ARPP21: variants seen among roughly 807,000 people sequenced by gnomAD.
ARPP21 encodes the protein cAMP regulated phosphoprotein 21.
In ARPP21, 69 loss-of-function variants were observed where a neutral mutation model predicts 113.2. The ratio of observed to expected loss-of-function variants is 0.61; its 90% confidence interval spans 0.50 to 0.74. The LOEUF (loss-of-function observed/expected upper bound fraction) is 0.74. Among genes scored for constraint, ARPP21 ranks in the 30% least tolerant of loss-of-function variants. The pLI is 0.00. For synonymous variants in ARPP21, 368 were observed against 375.5 expected (o/e 0.98, Z 0.23); for missense variants, 1,070 against 1,037.4 (o/e 1.03, Z -0.43).
chr3:35,682,807 T>C, intron 3 of ARPP21, 41 bp from the exon 4 acceptor site: 1 of 1,574,338 alleles, frequency 6.4e-7, no homozygotes, highest in Middle Eastern at 1.8e-4. Context: ...CGTTTTTGTT[T>C]GTTTTATTTT....
chr3:35,684,343 G>T, intron 5 of ARPP21: 3 of 1,046,820 alleles, frequency 2.9e-6, no homozygotes, highest in Non-Finnish European at 3.5e-6. Context: ...GTCCAGAAAT[G>T]AATCTGAGCT....
At chr3:35,722,107 T>G (rs1316058183) in intron 14 of ARPP21, among the ~76,000 whole-genome samples, 1 of 152,156 alleles carries the variant, frequency 6.6e-6, no homozygotes, top group Non-Finnish European at 1.5e-5. Context: ...AGACTTAGTG[T>G]TTATGTATTT....
intron 14 of ARPP21, 71 bp downstream of exon 14, chr3:35,721,905 T>A (rs1243676160): frequency 1.1e-6 from 1 of 923,500 alleles, no homozygotes; most frequent in Non-Finnish European, 1.6e-6. Flanking sequence ...TGGTCACCAT[T>A]CCCTCTGACT....
At chr3:35,746,673 T>C (rs1206022883) in intron 19 of ARPP21, among the ~76,000 whole-genome samples, 1 of 152,206 alleles carries the variant, frequency 6.6e-6, no homozygotes, top group Non-Finnish European at 1.5e-5. Flanking sequence ...TATCACGTGG[T>C]TAAAATTAGA....
At chr3:35,775,470 ATG>A (rs1446125617) in intron 19 of ARPP21, among the ~76,000 whole-genome samples, 1 of 152,096 alleles carries the variant, frequency 6.6e-6, no homozygotes, top group African/African-American at 2.4e-5. Context: ...GTATATACAT[ATG>A]TGTGTGTATA....
At chr3:35,664,683 G>A (rs1214232456) in intron 1 of ARPP21, among the ~76,000 whole-genome samples, 1 of 152,138 alleles carries the variant, frequency 6.6e-6, no homozygotes, top group East Asian at 1.9e-4. Context: ...GCAGGTGGCG[G>A]CGGGGGCTGT....
intron 19 of ARPP21, among the ~76,000 whole-genome samples, chr3:35,773,592 T>C (rs2096269650): frequency 6.6e-6 from 1 of 152,192 alleles, no homozygotes; most frequent in African/African-American, 2.4e-5. Context: ...AGCAGCTCTC[T>C]CACACCTAGG....
intron 19 of ARPP21, among the ~76,000 whole-genome samples, chr3:35,746,799 A>G (rs1421766398): frequency 6.6e-6 from 1 of 152,194 alleles, no homozygotes; most frequent in African/African-American, 2.4e-5. Flanking sequence ...CTTCTCCTAC[A>G]TTCTTGCCAG....
At chr3:35,705,280 A>T (rs1010971717) in intron 9 of ARPP21, among the ~76,000 whole-genome samples, 2 of 152,116 alleles carry the variant, frequency 1.3e-5, no homozygotes, top group African/African-American at 4.8e-5. Flanking sequence ...GTTTACAGGG[A>T]ACTGCAAGTC....
chr3:35,752,099 C>T (rs1392430629), intron 19 of ARPP21, among the ~76,000 whole-genome samples: 1 of 151,864 alleles, frequency 6.6e-6, no homozygotes, highest in African/African-American at 2.4e-5. Context: ...GGGAAGCTAA[C>T]GATGGATGCA....
At chr3:35,672,358 C>A (rs553724410) in intron 1 of ARPP21, among the ~76,000 whole-genome samples, 1 of 152,184 alleles carries the variant, frequency 6.6e-6, no homozygotes, top group African/African-American at 2.4e-5. Flanking sequence ...TTCATGAGAT[C>A]CAAACCTCCA....
At chr3:35,769,902 A>G (rs969694350) in intron 19 of ARPP21, among the ~76,000 whole-genome samples, 1 of 152,160 alleles carries the variant, frequency 6.6e-6, no homozygotes, top group African/African-American at 2.4e-5. Context: ...GAAAATGTAC[A>G]AACAATTTAT....
At chr3:35,710,858 A>T (rs1405225384) in intron 11 of ARPP21, among the ~76,000 whole-genome samples, 1 of 152,224 alleles carries the variant, frequency 6.6e-6, no homozygotes. Flanking sequence ...CTTTCTCTAT[A>T]CATTGCATTT....
At chr3:35,667,606 CA>C (rs1489945780) in intron 1 of ARPP21, among the ~76,000 whole-genome samples, 4 of 151,916 alleles carry the variant, frequency 2.6e-5, no homozygotes, top group African/African-American at 9.7e-5. Context: ...TTTGTAGCTT[CA>C]ATCACTTCTT....
chr3:35,763,638 T>C (rs2095856311), intron 19 of ARPP21, among the ~76,000 whole-genome samples: 1 of 152,100 alleles, frequency 6.6e-6, no homozygotes, highest in South Asian at 2.1e-4. Flanking sequence ...TATTGTAAAA[T>C]TGAATAGATA....
rs527287379 is a variant in ARPP21, at chr3:35,668,139, G to A, written c.-212-11648G>A. 2.0e-5 allele frequency among the ~76,000 whole-genome samples: 3 copies of A among 152,188 alleles called. No individual in the cohort carries two copies. In the South Asian group the frequency reaches 6.2e-4, roughly 32 times the overall value. ...CAGAAATTTCTTGCTACTATTCATG[G>A]TAAAGTATCATCTCTGACTTTGTTC... On this transcript the variant is annotated intron_variant, in intron 1 of 20. Transcript: ENST00000684406.
intron 1 of ARPP21, among the ~76,000 whole-genome samples, chr3:35,662,722 G>A (rs1485371458): frequency 2.6e-5 from 4 of 151,036 alleles, no homozygotes; most frequent in African/African-American, 7.3e-5. Context: ...TTGAGGTAGT[G>A]CAGCTCTCTG....
intron 1 of ARPP21, among the ~76,000 whole-genome samples, chr3:35,676,714 T>G (rs2077578794): frequency 6.6e-6 from 1 of 151,972 alleles, no homozygotes; most frequent in Admixed American, 6.6e-5. Flanking sequence ...TCAGACTTGC[T>G]AAAGATATTA....
intron 15 of ARPP21, among the ~76,000 whole-genome samples, chr3:35,731,317 A>T (rs566950851): frequency 6.6e-5 from 10 of 152,292 alleles, no homozygotes; most frequent in Non-Finnish European, 8.8e-5. Flanking sequence ...GCCAAGTCCC[A>T]ATTCTTTTTC....
Sources: gnomAD v4.1 joint callset for allele counts (sites outside exome capture counted in the v4.1 genomes callset) on GRCh38, gnomAD v4.1.1 for gene constraint, MANE v1.5 for transcripts, NCBI Gene and HGNC (gene_info 2026-07-23, HGNC 2026-07-21) for gene names.